The following CDH4 variants were observed in gnomAD, a reference collection of about 807,000 sequenced individuals.
CDH4 encodes cadherin-4.
A neutral mutation model predicts 86.0 loss-of-function variants in CDH4; 33 were observed. The ratio of observed to expected loss-of-function variants is 0.38; its 90% CI spans 0.29 to 0.51. The LOEUF (loss-of-function observed/expected upper bound fraction) is 0.51. Ranked by LOEUF, CDH4 falls within the 20% of genes least tolerant of loss-of-function variation. The pLI, the probability that CDH4 is intolerant of heterozygous loss-of-function variation, is 0.86. For missense variants in CDH4, 1,114 were observed against 1,307.4 expected (o/e 0.85, Z 2.28); for synonymous variants, 555 against 549.4 (o/e 1.01, Z -0.14).
intron 2 of CDH4, among the ~76,000 whole-genome samples, chr20:61,547,369 C>G (rs1007217246): frequency 6.6e-6 from 1 of 151,808 alleles, no homozygotes; most frequent in Admixed American, 6.6e-5. Context: ...CCTGCCACTG[C>G]GCCCGGCTAA....
At chr20:61,905,727 T>A (rs1050905349) in intron 8 of CDH4, among the ~76,000 whole-genome samples, 3 of 152,178 alleles carry the variant, frequency 2.0e-5, no homozygotes, top group Non-Finnish European at 2.9e-5. Context: ...TGCACCTGGC[T>A]GGCATGTCCC....
intron 6 of CDH4, among the ~76,000 whole-genome samples, chr20:61,870,033 G>C (rs1405707876): frequency 6.6e-6 from 1 of 152,202 alleles, no homozygotes; most frequent in Admixed American, 6.5e-5. Context: ...TGGTGGATCA[G>C]GGCAGGCACT....
rs117666365 is a variant in CDH4 at position 61,674,990 on chromosome 20, G to T, written c.170-68573G>T. ...TGAGCAATTAGAAAGAGACATTGTG[G>T]CCCACCCACCCACAATATGTACTGC... is the stretch of plus-strand genomic sequence containing the variant. On this transcript the variant is annotated intron_variant, in intron 2 of 15. Coordinates refer to ENST00000614565, the MANE Select transcript of CDH4 (RefSeq NM_001794.5). Among the ~76,000 whole-genome samples, 691 of 152,314 alleles carry T rather than the reference G, an allele frequency of 4.5e-3. 3 individuals carry two copies. The highest frequency in any genetic ancestry group is 6.8e-3 in the Non-Finnish European group (462 of 68,028).
chr20:61,894,882 T>C, intron 7 of CDH4, 28 bp from the exon 8 acceptor site: 1 of 1,594,566 alleles, frequency 6.3e-7, no homozygotes, highest in Non-Finnish European at 8.5e-7. Context: ...GATTTTCTGT[T>C]CTTTCTCAAC....
At chr20:61,418,209 CTTTTT>C in intron 2 of CDH4, among the ~76,000 whole-genome samples, 1 of 134,736 alleles carries the variant, frequency 7.4e-6, no homozygotes, top group African/African-American at 2.9e-5. Context: ...TCTTTTTTTT[CTTTTT>C]TTTTTTTTTT....
At position 61,516,042 on chromosome 20, in the gene CDH4, C is replaced by G. The variant is rs902893031; in HGVS notation, c.170-227521C>G. 6.6e-6 allele frequency among the ~76,000 whole-genome samples: 1 copy of G among 152,144 alleles called. No individual in the cohort carries two copies. The highest frequency in any genetic ancestry group is 2.4e-5 in the African/African-American group (1 of 41,422). On this transcript the variant is annotated intron_variant, in intron 2 of 15. Transcript: ENST00000614565. The surrounding 1 kb of genome is among the most constrained non-coding windows in gnomAD (Gnocchi z 4.0). ...CTTCCCCTGGGCTCTGGAACGCCCCCCCAATACGATTCCACCGCAGGCAGG... is the reference window on the plus strand; with the variant it reads ...CTTCCCCTGGGCTCTGGAACGCCCCGCCAATACGATTCCACCGCAGGCAGG...
At chr20:61,745,941 G>A (rs765529759) in intron 3 of CDH4, among the ~76,000 whole-genome samples, 14 of 152,208 alleles carry the variant, frequency 9.2e-5, no homozygotes, top group Non-Finnish European at 1.8e-4. Context: ...GAAGGGGCAG[G>A]CCCAGCTGTG....
In CDH4 at chr20:61,392,880, A is replaced by G. The variant is rs975880375; in HGVS notation, c.169+137943A>G. ...CACCATCCCCTGTGTCACTGCACTA[A>G]GTAAAGCCAGTGGATTGACATAAAG... is the stretch of plus-strand genomic sequence containing the variant. On this transcript the variant is annotated intron_variant, in intron 2 of 15. Coordinates refer to ENST00000614565, the MANE Select transcript of CDH4 (RefSeq NM_001794.5). The surrounding 1 kb of genome is among the most constrained non-coding windows in gnomAD (Gnocchi z 5.7). Among the ~76,000 whole-genome samples, 1 of 148,454 alleles carries G rather than the reference A, an allele frequency of 6.7e-6. No individual in the cohort carries two copies. Among genetic ancestry groups the G allele is most frequent in the African/African-American group, 2.5e-5 (1 of 39,750 alleles).
intron 2 of CDH4, among the ~76,000 whole-genome samples, chr20:61,586,202 A>T (rs2145726163): frequency 6.6e-6 from 1 of 151,952 alleles, no homozygotes; most frequent in African/African-American, 2.4e-5. Flanking sequence ...GATGATCATG[A>T]TGGTGATGAT....
chr20:61,470,198 A>T (rs1280602691), intron 2 of CDH4, among the ~76,000 whole-genome samples: 1 of 152,126 alleles, frequency 6.6e-6, no homozygotes, highest in Non-Finnish European at 1.5e-5. Flanking sequence ...GAGACATGGA[A>T]CATCTTTTCT....
At chr20:61,403,729 G>A (rs979293210) in intron 2 of CDH4, among the ~76,000 whole-genome samples, 4 of 152,106 alleles carry the variant, frequency 2.6e-5, no homozygotes, top group East Asian at 1.9e-4. Context: ...CAGGAACTCC[G>A]TGTGTATTCC....
At chr20:61,753,405 C>T (rs1286379816) in intron 3 of CDH4, among the ~76,000 whole-genome samples, 2 of 152,210 alleles carry the variant, frequency 1.3e-5, no homozygotes, top group Admixed American at 6.5e-5. Flanking sequence ...TTGTCGCCCT[C>T]TCTTAGCAAC....
intron 2 of CDH4, among the ~76,000 whole-genome samples, chr20:61,547,835 G>A (rs530278370): frequency 1.3e-5 from 2 of 152,336 alleles, no homozygotes; most frequent in African/African-American, 2.4e-5. Flanking sequence ...GCACATACAC[G>A]CACATATGTG....
chr20:61,758,045 G>A (rs544825307), intron 3 of CDH4, among the ~76,000 whole-genome samples: 4 of 152,298 alleles, frequency 2.6e-5, no homozygotes, highest in South Asian at 4.1e-4. Flanking sequence ...CGCCCTCACC[G>A]AGCTTACCTT....
At chr20:61,862,208 C>T (rs1019965081) in intron 6 of CDH4, among the ~76,000 whole-genome samples, 1 of 152,172 alleles carries the variant, frequency 6.6e-6, no homozygotes. Context: ...GAGAGTCACT[C>T]AGGTGGCTGT....
chr20:61,910,289 A>G, intron 8 of CDH4, 133 bp from the exon 9 acceptor site: 1 of 750,110 alleles, frequency 1.3e-6, no homozygotes, highest in Non-Finnish European at 2.2e-6. Context: ...TCTGTTTGTG[A>G]ACACTCGAGC....
At chr20:61,652,415 A>G (rs2087131460) in intron 2 of CDH4, among the ~76,000 whole-genome samples, 1 of 152,152 alleles carries the variant, frequency 6.6e-6, no homozygotes, top group Non-Finnish European at 1.5e-5. Context: ...TTACATCACT[A>G]TTTTAAATGA....
intron 4 of CDH4, among the ~76,000 whole-genome samples, chr20:61,800,307 C>T (rs974145412): frequency 2.0e-5 from 3 of 152,218 alleles, no homozygotes; most frequent in Non-Finnish European, 4.4e-5. Context: ...GCCCCATGAC[C>T]GGGCAGGGGC....
intron 2 of CDH4, among the ~76,000 whole-genome samples, chr20:61,356,052 G>T (rs1340944183): frequency 6.6e-6 from 1 of 152,170 alleles, no homozygotes; most frequent in Non-Finnish European, 1.5e-5. Context: ...AGTATTTTCA[G>T]CAAATTGTCT....
Sources: gnomAD v4.1 joint callset for allele counts (sites outside exome capture counted in the v4.1 genomes callset) on GRCh38, gnomAD v4.1.1 for gene constraint, Gnocchi (gnomAD v3.1) non-coding constraint, MANE v1.5 for transcripts, NCBI Gene and HGNC (gene_info 2026-07-23, HGNC 2026-07-21) for gene names.